Variants in RFC3 observed in about 807,000 individuals in gnomAD.
RFC3 encodes the protein A1 38 kDa subunit.
Under a neutral mutation model 45.1 loss-of-function variants are expected in RFC3, and 41 were observed. That is an observed-to-expected ratio of 0.91 (90% CI 0.71 to 1.18). RFC3 has a LOEUF of 1.18. Ranked by LOEUF, RFC3 falls within the 50% of genes most tolerant of loss-of-function variation. The probability of loss-of-function intolerance (pLI) is 0.00; values close to 1 mark genes in which losing one functional copy is unlikely to be tolerated. For synonymous variants in RFC3, 149 were observed against 144.0 expected (o/e 1.03, Z -0.25); for missense variants, 423 against 428.1 (o/e 0.99, Z 0.10).
At chr13:33,966,456 C>A in exon 9 of RFC3, 1 of 330,836 alleles carries the variant, frequency 3.0e-6, no homozygotes, top group Admixed American at 4.2e-5. Context: ...ATCTGTATCC[C>A]TACATCTAAC....
At chr13:33,834,874 G>A (rs1448157293) in intron 7 of RFC3, among the ~76,000 whole-genome samples, 3 of 151,978 alleles carry the variant, frequency 2.0e-5, no homozygotes, top group African/African-American at 4.8e-5. Flanking sequence ...GAATATAGAC[G>A]TCTCATTTTA....
intron 8 of RFC3, among the ~76,000 whole-genome samples, chr13:33,864,632 G>A (rs906350491): frequency 2.0e-5 from 3 of 152,096 alleles, no homozygotes; most frequent in Non-Finnish European, 2.9e-5. Flanking sequence ...AGAGTTATGG[G>A]GCTGGGAGTA....
chr13:33,850,995 A>T (rs1334009167), intron 8 of RFC3, among the ~76,000 whole-genome samples: 1 of 152,188 alleles, frequency 6.6e-6, no homozygotes, highest in East Asian at 1.9e-4. Flanking sequence ...TATAAAACTT[A>T]AATTTACTAA....
intron 8 of RFC3, among the ~76,000 whole-genome samples, chr13:33,935,496 C>A (rs534872888): frequency 3.3e-5 from 5 of 152,252 alleles, no homozygotes; most frequent in African/African-American, 1.2e-4. Flanking sequence ...TTGAAGTTTT[C>A]TTTCTAATTA....
chr13:33,905,209 T>TAAAG (rs1478409549), intron 8 of RFC3, among the ~76,000 whole-genome samples: 1 of 148,626 alleles, frequency 6.7e-6, no homozygotes, highest in African/African-American at 2.5e-5. Context: ...TAGTTGTCTT[T>TAAAG]ACAACTACAG....
At chr13:33,851,969 A>G (rs1461076438) in intron 8 of RFC3, among the ~76,000 whole-genome samples, 4 of 152,204 alleles carry the variant, frequency 2.6e-5, no homozygotes, top group Non-Finnish European at 4.4e-5. Flanking sequence ...TAAAAAATGA[A>G]TTGACATTGA....
intron 8 of RFC3, among the ~76,000 whole-genome samples, chr13:33,943,530 G>T (rs2082937070): frequency 6.6e-6 from 1 of 152,060 alleles, no homozygotes; most frequent in Non-Finnish European, 1.5e-5. Context: ...TGAGGTGAAG[G>T]ATATCCTAAT....
chr13:33,960,596 T>C lies in RFC3; in HGVS notation c.880-5491T>C, dbSNP rs556589121. Among the ~76,000 whole-genome samples, 74 of 152,324 alleles carry C rather than the reference T, an allele frequency of 4.9e-4. 1 individual carries two copies. The South Asian group carries it at 0.015, about 31-fold the overall frequency. On this transcript the variant is annotated intron_variant, in intron 8 of 8. Transcript: ENST00000434425. ...GATTTCTGGTCATGTTGGGTCAATATCAAAGGTGTTTTGGGCAGTTCTTCT... is the reference window on the plus strand; with the variant it reads ...GATTTCTGGTCATGTTGGGTCAATACCAAAGGTGTTTTGGGCAGTTCTTCT...
intron 8 of RFC3, among the ~76,000 whole-genome samples, chr13:33,906,228 G>A (rs1444083952): frequency 1.3e-5 from 2 of 152,050 alleles, no homozygotes; most frequent in Non-Finnish European, 2.9e-5. Flanking sequence ...ATCTAAATTG[G>A]AAGTCATTCT....
chr13:33,836,114 C>G lies in RFC3; in HGVS notation c.890C>G (p.Ser297Ter), dbSNP rs1308620929. ...ATTATTTTTGTTTAGGGCCTTCTCT[C>G]AGAACTGTTACATAATTGTGATGGA... ...PPEIIMKGLLSELLHNCDGQL... is the reference protein window; with the variant it reads ...PPEIIMKGLL The change falls in exon 9 of 9, where the codon TCA becomes TGA. Residue 297 changes from serine to a stop codon, truncating the protein, a stop_gained. Coordinates refer to ENST00000380071, the MANE Select transcript of RFC3 (RefSeq NM_002915.4). LOFTEE classifies it high-confidence loss of function. The G allele has an allele frequency of 1.2e-6, 2 of 1,610,156 alleles. No homozygotes were observed. The highest frequency in any genetic ancestry group is 1.7e-6 in the Non-Finnish European group (2 of 1,176,968).
intron 8 of RFC3, among the ~76,000 whole-genome samples, chr13:33,876,264 C>G (rs2137581909): frequency 6.6e-6 from 1 of 152,326 alleles, no homozygotes; most frequent in South Asian, 2.1e-4. Context: ...GATACAGCTG[C>G]TAGAGAAGCG....
rs537631629 is a variant in RFC3 at position 33,897,680 on chromosome 13, A to C, written c.879+62463A>C. On this transcript the variant is annotated intron_variant, in intron 8 of 8. Coordinates refer to the RFC3 transcript ENST00000434425. ...ATGCTGCCTTCAAAAAAGTCACTTC[A>C]TCTGTAAAGGCACACATAGACTGAA... Among the ~76,000 whole-genome samples the C allele has an allele frequency of 2.6e-5, 4 of 152,224 alleles. No individual in the cohort carries two copies. In the East Asian group the frequency reaches 5.8e-4, roughly 22 times the overall value.
At chr13:33,868,362 T>G (rs1021081680) in intron 8 of RFC3, among the ~76,000 whole-genome samples, 2 of 152,124 alleles carry the variant, frequency 1.3e-5, no homozygotes, top group Non-Finnish European at 2.9e-5. Context: ...GATTCACACT[T>G]ACTTCCTAGA....
intron 8 of RFC3, among the ~76,000 whole-genome samples, chr13:33,865,789 C>T (rs906063736): frequency 3.9e-5 from 6 of 152,158 alleles, no homozygotes; most frequent in Admixed American, 6.5e-5. Context: ...TATGGTGGCT[C>T]ACACCTGTAA....
intron 8 of RFC3, among the ~76,000 whole-genome samples, chr13:33,895,627 A>G (rs1486235248): frequency 1.3e-5 from 2 of 152,182 alleles, no homozygotes; most frequent in African/African-American, 2.4e-5. Context: ...AAGTAGATCT[A>G]CCATTTGATC....
chr13:33,820,354 G>A (rs1452689908), intron 1 of RFC3, among the ~76,000 whole-genome samples: 1 of 152,190 alleles, frequency 6.6e-6, no homozygotes, highest in Non-Finnish European at 1.5e-5. Context: ...TGAAATGCCT[G>A]GAATTAATGC....
intron 8 of RFC3, among the ~76,000 whole-genome samples, chr13:33,916,347 G>GA (rs1252087175): frequency 6.6e-6 from 1 of 151,914 alleles, no homozygotes; most frequent in Non-Finnish European, 1.5e-5. Flanking sequence ...TGGAAAGAAA[G>GA]AAAAAAAGAA....
At chr13:33,907,005 A>T (rs992793955) in intron 8 of RFC3, among the ~76,000 whole-genome samples, 13 of 151,916 alleles carry the variant, frequency 8.6e-5, no homozygotes, top group East Asian at 1.9e-4. Flanking sequence ...ATTTTTAAAA[A>T]TTTTTTTATA....
In RFC3 at chr13:33,875,357, T is replaced by G. The variant is rs568980963; in HGVS notation, c.879+40140T>G. Reference sequence around the variant, plus strand: ...GGAAGATTCCCTAAAGGAAACAATATGTAAGCTGAGACCTGCAGAATGACG... The same window carrying G: ...GGAAGATTCCCTAAAGGAAACAATAGGTAAGCTGAGACCTGCAGAATGACG... On this transcript the variant is annotated intron_variant, in intron 8 of 8. Transcript: ENST00000434425. Among the ~76,000 whole-genome samples the G allele has an allele frequency of 3.9e-5, 6 of 152,202 alleles. No homozygotes were observed. In the South Asian group the frequency reaches 1.2e-3, roughly 32 times the overall value.
Sources: allele counts gnomAD v4.1 joint callset (sites outside exome capture counted in the v4.1 genomes callset), GRCh38; gene constraint gnomAD v4.1.1; transcripts MANE v1.5; gene names NCBI Gene and HGNC (gene_info 2026-07-23, HGNC 2026-07-21).